HIPK2: variants seen among roughly 807,000 people sequenced by gnomAD.
HIPK2 encodes homeodomain-interacting protein kinase 2.
A neutral mutation model predicts 113.7 loss-of-function variants in HIPK2; 27 were observed. The observed-to-expected ratio is 0.24, with a 90% CI of 0.17 to 0.33. HIPK2 has a LOEUF of 0.33. HIPK2 is among the 10% of genes least tolerant of loss of function. The pLI is 1.00. For synonymous variants in HIPK2, 631 were observed against 642.2 expected, an observed-to-expected ratio of 0.98 and a Z score of 0.26; for missense variants, 1,257 against 1,588.0, an observed-to-expected ratio of 0.79 and a Z score of 3.54.
intron 2 of HIPK2, among the ~76,000 whole-genome samples, chr7:139,697,694 A>G (rs1452303435): frequency 6.6e-6 from 1 of 152,130 alleles, no homozygotes; most frequent in Non-Finnish European, 1.5e-5. Flanking sequence ...TTTAAAGTGA[A>G]CAACTCAGTG....
chr7:139,616,079 T>C (rs1021768769), intron 7 of HIPK2, among the ~76,000 whole-genome samples: 4 of 152,096 alleles, frequency 2.6e-5, no homozygotes, highest in African/African-American at 9.7e-5. Context: ...CCCCCAGCCC[T>C]TAGCCCCTGT....
intron 2 of HIPK2, among the ~76,000 whole-genome samples, chr7:139,670,756 TTTC>T (rs1391697405): frequency 0.079 from 3,479 of 43,998 alleles, 145 homozygotes; most frequent in African/African-American, 0.22. Context: ...TCTTTCTTTC[TTTC>T]TTTTTTTTTT....
At chr7:139,627,070 C>T (rs1800457532) in intron 5 of HIPK2, among the ~76,000 whole-genome samples, 1 of 152,144 alleles carries the variant, frequency 6.6e-6, no homozygotes, top group South Asian at 2.1e-4. Flanking sequence ...GTAAACTGCT[C>T]CTGCTTTCAT....
intron 1 of HIPK2, among the ~76,000 whole-genome samples, chr7:139,739,097 G>A (rs147714334): frequency 4.6e-5 from 7 of 152,196 alleles, no homozygotes; most frequent in South Asian, 2.1e-4. Context: ...GGTAAGTTTC[G>A]GGCAAGTTTT....
chr7:139,598,010 A>G (rs955856387), intron 11 of HIPK2, among the ~76,000 whole-genome samples: 1 of 152,186 alleles, frequency 6.6e-6, no homozygotes, highest in African/African-American at 2.4e-5. Context: ...TTTCATATAC[A>G]CCTTATACAC....
intron 6 of HIPK2, among the ~76,000 whole-genome samples, chr7:139,625,766 T>C (rs1425281742): frequency 6.6e-6 from 1 of 152,218 alleles, no homozygotes; most frequent in Non-Finnish European, 1.5e-5. Context: ...ACTTGTTTTA[T>C]ACCATTCTCT....
chr7:139,611,255 A>C (rs1252154166), intron 9 of HIPK2, among the ~76,000 whole-genome samples: 1 of 152,224 alleles, frequency 6.6e-6, no homozygotes, highest in African/African-American at 2.4e-5. Context: ...ATAAAAAGGG[A>C]AATTATATGC....
At chr7:139,686,248 T>C (rs1381610835) in intron 2 of HIPK2, among the ~76,000 whole-genome samples, 1 of 152,204 alleles carries the variant, frequency 6.6e-6, no homozygotes, top group East Asian at 1.9e-4. Flanking sequence ...GCTGAAGATG[T>C]GACTGAATTG....
chr7:139,689,118 C>T (rs900573235), intron 2 of HIPK2, among the ~76,000 whole-genome samples: 27 of 152,286 alleles, frequency 1.8e-4, no homozygotes, highest in Admixed American at 7.2e-4. Context: ...TGGAGACGCC[C>T]GATGAGTGCC....
intron 7 of HIPK2, among the ~76,000 whole-genome samples, chr7:139,617,435 T>G (rs1800096446): frequency 6.6e-6 from 1 of 152,208 alleles, no homozygotes; most frequent in South Asian, 2.1e-4. Context: ...GCAGTTGTAG[T>G]AGACGTTCAA....
chr7:139,590,973 T>C (rs1052797408), intron 12 of HIPK2, among the ~76,000 whole-genome samples: 4 of 152,140 alleles, frequency 2.6e-5, no homozygotes, highest in Non-Finnish European at 5.9e-5. Flanking sequence ...GCTTCCCAAG[T>C]AGCTGGGACT....
chr7:139,626,709 A>G lies in HIPK2; in HGVS notation c.1511T>C (p.Leu504Ser), dbSNP rs747500553. The G allele has an allele frequency of 1.9e-6, 3 of 1,613,916 alleles. No individual in the cohort carries two copies. The highest frequency in any genetic ancestry group is 2.5e-6 in the Non-Finnish European group (3 of 1,179,894). ...AGCATCAATGGTCAGCATCTTCTTC[A>G]ACAGGTCAATGAACTCCCGCCGGTC... is the stretch of plus-strand genomic sequence containing the variant. The part of the protein sequence containing the change: ...KADRREFIDL[L>S]KKMLTIDADK... Residue 504 changes from leucine to serine, a missense_variant, in exon 6 of 15, where the codon TTG becomes TCG. By Grantham distance (145) the Leu-to-Ser change is moderately radical (BLOSUM62 -2). Transcript: ENST00000406875.
At chr7:139,634,004 G>A (rs1800715747) in intron 2 of HIPK2, among the ~76,000 whole-genome samples, 1 of 151,722 alleles carries the variant, frequency 6.6e-6, no homozygotes, top group African/African-American at 2.4e-5. Flanking sequence ...CAGCTACTCA[G>A]GAGGCTGAAG....
chr7:139,639,919 A>G (rs1585312773), intron 2 of HIPK2, among the ~76,000 whole-genome samples: 1 of 151,348 alleles, frequency 6.6e-6, no homozygotes, highest in African/African-American at 2.4e-5. Flanking sequence ...TGATCATCAC[A>G]TGTCGGTTGC....
intron 1 of HIPK2, among the ~76,000 whole-genome samples, chr7:139,772,927 A>T (rs923218074): frequency 6.6e-6 from 1 of 150,630 alleles, no homozygotes; most frequent in Non-Finnish European, 1.5e-5. Flanking sequence ...GGCATGTTAG[A>T]AGTATGAACT....
chr7:139,709,661 A>C (rs1183649488), intron 2 of HIPK2, among the ~76,000 whole-genome samples: 1 of 152,206 alleles, frequency 6.6e-6, no homozygotes, highest in Non-Finnish European at 1.5e-5. Flanking sequence ...TGGGATCCAG[A>C]TGGAGGAGTG....
intron 2 of HIPK2, among the ~76,000 whole-genome samples, chr7:139,677,566 C>T (rs1802546723): frequency 6.6e-6 from 1 of 152,012 alleles, no homozygotes. Flanking sequence ...TACATGAAGC[C>T]ACTTTTCTAT....
chr7:139,767,776 C>T (rs760202709), intron 1 of HIPK2, among the ~76,000 whole-genome samples: 12 of 152,254 alleles, frequency 7.9e-5, no homozygotes, highest in Non-Finnish European at 1.6e-4. Flanking sequence ...AAACAGGAAA[C>T]ATTTCAAGTT....
chr7:139,587,473 A>C (rs987822077), intron 12 of HIPK2, among the ~76,000 whole-genome samples: 10 of 136,238 alleles, frequency 7.3e-5, no homozygotes, highest in African/African-American at 2.9e-4. Flanking sequence ...TGGGCGACAG[A>C]GCAAGACTGT....
Sources: gnomAD v4.1 joint callset for allele counts (sites outside exome capture counted in the v4.1 genomes callset) on GRCh38, gnomAD v4.1.1 for gene constraint, MANE v1.5 for transcripts, NCBI Gene and HGNC (gene_info 2026-07-23, HGNC 2026-07-21) for gene names.